The following LGALS3BP variants were observed in gnomAD, a reference collection of about 807,000 sequenced individuals.
LGALS3BP encodes the protein galectin-3-binding protein.
LGALS3BP carries 25 observed loss-of-function variants against 22.9 expected under a neutral mutation model. That is an observed-to-expected ratio of 1.09 (90% CI 0.80 to 1.53). The LOEUF (loss-of-function observed/expected upper bound fraction) is 1.53. Ranked by LOEUF, LGALS3BP falls within the 40% of genes most tolerant of loss-of-function variation. The pLI is 0.00. For missense variants in LGALS3BP, 718 were observed against 752.0 expected (o/e 0.95, Z 0.53); for synonymous variants, 335 against 331.1 (o/e 1.01, Z -0.13).
chr17:78,976,119 GCCC>G lies in LGALS3BP; in HGVS notation c.87_89del (p.Gly30del). The stretch of plus-strand genomic sequence containing the variant: ...TCTCCACGCGGCCCTGGTTGGTGGC[GCCC>G]CCATCGGCCAGCCGCATGTCACCAT... On this transcript the variant is annotated inframe_deletion, in exon 3 of 6. Coordinates refer to ENST00000262776, the MANE Select transcript of LGALS3BP (RefSeq NM_005567.4). This position sits in a 1 kb window ranked among gnomAD's most constrained non-coding sequence, Gnocchi z 4.6. The G allele has an allele frequency of 1.9e-6, 3 of 1,594,166 alleles. No homozygotes were observed. Among genetic ancestry groups the G allele is most frequent in the Non-Finnish European group, 2.6e-6 (3 of 1,171,254 alleles).
Position 78,977,230 on chromosome 17 carries a change from G to A in LGALS3BP, c.-23-16C>T. 6.2e-7 allele frequency: 1 copy of A among 1,606,280 alleles called. No homozygotes were observed. Among genetic ancestry groups the A allele is most frequent in the Non-Finnish European group, 8.5e-7 (1 of 1,177,008 alleles). Reference sequence around the variant, plus strand: ...TGCCCAGATCCTGCAGCAGACAGAAGCGGAGGGGTGAGGCACGGGAGCCAG... The same window carrying A: ...TGCCCAGATCCTGCAGCAGACAGAAACGGAGGGGTGAGGCACGGGAGCCAG... On this transcript the variant is annotated splice_polypyrimidine_tract_variant and intron_variant, in intron 1 of 5. Coordinates refer to ENST00000262776, the MANE Select transcript of LGALS3BP (RefSeq NM_005567.4).
Position 78,973,397 on chromosome 17 carries a change from G to A in LGALS3BP, c.377-175C>T. The stretch of plus-strand genomic sequence containing the variant: ...GAAGTGTCGGATTCCTGGACCCTGA[G>A]GCCCCGCCCCTTCCAGCCCTGGGGA... On this transcript the variant is annotated intron_variant, in intron 4 of 5. Coordinates refer to ENST00000262776, the MANE Select transcript of LGALS3BP (RefSeq NM_005567.4). This position sits in a 1 kb window ranked among gnomAD's most constrained non-coding sequence, Gnocchi z 5.8. The A allele has an allele frequency of 3.9e-6, 3 of 760,412 alleles. No homozygotes were observed. The highest frequency in any genetic ancestry group is 6.1e-6 in the Non-Finnish European group (3 of 491,898). 47.1% of individuals were successfully genotyped at this position (760,412 alleles called of 1,614,324 possible). A position where few individuals can be genotyped will look rare whatever the true frequency, so the allele number is the denominator to read the frequency against.
At chr17:78,979,337 A>G (rs2070745678) in intron 1 of LGALS3BP, 1 of 152,316 alleles carries the variant, frequency 6.6e-6, no homozygotes, top group African/African-American at 2.4e-5. Flanking sequence ...CCAACTGTAC[A>G]CAGAGGCCCT....
chr17:78,972,383 G>A lies in LGALS3BP; in HGVS notation c.951C>T (p.Ser317=), dbSNP rs541114993. The A allele has an allele frequency of 3.0e-5, 48 of 1,613,470 alleles. No individual in the cohort carries two copies. Among genetic ancestry groups the A allele is most frequent in the African/African-American group, 1.5e-4 (11 of 75,068 alleles). Residue 317 remains serine, a synonymous_variant, in exon 6 of 6, where the codon AGC becomes AGT. Coordinates refer to ENST00000262776, the MANE Select transcript of LGALS3BP (RefSeq NM_005567.4). This position sits in a 1 kb window ranked among gnomAD's most constrained non-coding sequence, Gnocchi z 5.1. ...CCACGGCCTTCAGTAGGGCCAGCTC[G>A]CTGGGCACCGCCAGGTCGCTCCTGG... The part of the protein sequence containing the change: ...LLPRSDLAVP[S]ELALLKAVDT...
At position 78,972,731 on chromosome 17, in the gene LGALS3BP, C is replaced by A. The variant is rs781745291; in HGVS notation, c.630-27G>T. On this transcript the variant is annotated intron_variant, in intron 5 of 5. Coordinates refer to ENST00000262776, the MANE Select transcript of LGALS3BP (RefSeq NM_005567.4). The surrounding 1 kb of genome is among the most constrained non-coding windows in gnomAD (Gnocchi z 5.1). Reference sequence around the variant, plus strand: ...TGGGGAGAAAGAAGGAGAGCAGATGCCGGCCCCACAGGACAGCAGGGGAGC... The same window carrying A: ...TGGGGAGAAAGAAGGAGAGCAGATGACGGCCCCACAGGACAGCAGGGGAGC... The A allele has an allele frequency of 3.3e-5, 50 of 1,514,038 alleles. No individual in the cohort carries two copies. The highest frequency in any genetic ancestry group is 4.3e-5 in the Non-Finnish European group (49 of 1,132,300). 93.8% of individuals were successfully genotyped at this position (1,514,038 alleles called of 1,614,324 possible).
intron 3 of LGALS3BP, 153 bp from the exon 4 acceptor site, chr17:78,974,972 G>C (rs2070707729): frequency 7.2e-6 from 7 of 976,426 alleles, no homozygotes; most frequent in Non-Finnish European, 1.0e-5. Context: ...TTCCAGCATG[G>C]GCTGGATTTG....
chr17:78,974,134 G>C (rs2070698696), intron 4 of LGALS3BP, among the ~76,000 whole-genome samples: 2 of 152,248 alleles, frequency 1.3e-5, no homozygotes, highest in African/African-American at 4.8e-5. Context: ...TCCTGGCAAA[G>C]GGCAGTGGGC....
rs1255343515 is a variant in LGALS3BP at position 78,973,111 on chromosome 17, C to G, written c.488G>C (p.Gly163Ala). 1 of 1,613,420 alleles carries G rather than the reference C, an allele frequency of 6.2e-7. No homozygotes were observed. The highest frequency in any genetic ancestry group is 1.7e-5 in the Admixed American group (1 of 59,988). The change falls in exon 5 of 6, where the codon GGC (glycine) becomes GCC (alanine). Residue 163 changes from glycine (G) to alanine (A), a missense_variant. By Grantham distance (60) the Gly-to-Ala change is moderately conservative. Coordinates refer to ENST00000262776, the MANE Select transcript of LGALS3BP (RefSeq NM_005567.4). The surrounding 1 kb of genome is among the most constrained non-coding windows in gnomAD (Gnocchi z 5.8). ...GCCACAGAAGCCCAGGGCGTCCTCG[C>G]CCTGCACATTCACGCTGATGGACAG... ...CDLSISVNVQ[G>A]EDALGFCGHT...
At position 78,977,529 on chromosome 17, in the gene LGALS3BP, A is replaced by G. The variant is rs992800209; in HGVS notation, c.-23-315T>C. 3 of 272,196 alleles carry G rather than the reference A, an allele frequency of 1.1e-5. No homozygotes were observed. In the Admixed American group the frequency reaches 1.5e-4, roughly 14 times the overall value. 16.9% of individuals were successfully genotyped at this position (272,196 alleles called of 1,614,324 possible). ...TAGAGGCAAGTGAGCTCATCTCAAA[A>G]AACCAGGCCCCGGGCAAGGCTGCCA... On this transcript the variant is annotated intron_variant, in intron 1 of 5. Coordinates refer to ENST00000262776, the MANE Select transcript of LGALS3BP (RefSeq NM_005567.4).
In LGALS3BP at chr17:78,972,479, C is replaced by T. The variant is rs1270738865; in HGVS notation, c.855G>A (p.Trp285Ter). 1.2e-6 allele frequency: 2 copies of T among 1,613,288 alleles called. No individual in the cohort carries two copies. The highest frequency in any genetic ancestry group is 1.7e-6 in the Non-Finnish European group (2 of 1,180,006). Residue 285 changes from tryptophan (W) to a stop codon, truncating the protein, a stop_gained, in exon 6 of 6, where the codon TGG (tryptophan) becomes TGA (stop). Coordinates refer to ENST00000262776, the MANE Select transcript of LGALS3BP (RefSeq NM_005567.4). LOFTEE classifies it low-confidence loss of function (END_TRUNC). This position sits in a 1 kb window ranked among gnomAD's most constrained non-coding sequence, Gnocchi z 5.1. ...CGGCCTGCGTCAAGGCCTCGAAGTT[C>T]CAGGCCAGGAACTGTAGGCAGAGCT... ...LEKLCLQFLAWNFEALTQAEA... is the reference protein window; with the variant it reads ...LEKLCLQFLA
rs182994096 is a variant in LGALS3BP, at chr17:78,972,307, C to T, written c.1027G>A (p.Val343Met). ...ATCATGGGGAAGCGGATCTTCTCCACCAAGCCCTCCACCTCCTCATGGGAG... is the reference window on the plus strand; with the variant it reads ...ATCATGGGGAAGCGGATCTTCTCCATCAAGCCCTCCACCTCCTCATGGGAG... ...RASHEEVEGLVEKIRFPMMLP... is the reference protein window; with the variant it reads ...RASHEEVEGLMEKIRFPMMLP... The change falls in exon 6 of 6, where the codon GTG becomes ATG. Residue 343 changes from valine (V) to methionine (M), a missense_variant. Coordinates refer to ENST00000262776, the MANE Select transcript of LGALS3BP (RefSeq NM_005567.4). The surrounding 1 kb of genome is among the most constrained non-coding windows in gnomAD (Gnocchi z 5.1). The T allele has an allele frequency of 2.5e-6, 4 of 1,613,346 alleles. No individual in the cohort carries two copies. Among genetic ancestry groups the T allele is most frequent in the Non-Finnish European group, 3.4e-6 (4 of 1,179,880 alleles).
rs1344378356 is a variant in LGALS3BP, at chr17:78,973,432, G to A, written c.377-210C>T. The A allele has an allele frequency of 3.3e-6, 2 of 601,358 alleles. No homozygotes were observed. Among genetic ancestry groups the A allele is most frequent in the African/African-American group, 3.7e-5 (2 of 54,168 alleles). 37.3% of individuals were successfully genotyped at this position (601,358 alleles called of 1,614,324 possible). A position where few individuals can be genotyped will look rare whatever the true frequency, so the allele number is the denominator to read the frequency against. On this transcript the variant is annotated intron_variant, in intron 4 of 5. Transcript: ENST00000262776. The surrounding 1 kb of genome is among the most constrained non-coding windows in gnomAD (Gnocchi z 5.8). ...CTTCCAGCCCTGGGGAACAAGAGCA[G>A]CTAGGACCTGGCCAAGCCTGTCCAG...
rs1443434793 is a variant in LGALS3BP at position 78,973,075 on chromosome 17, A to G, written c.524T>C (p.Ile175Thr). 1 of 1,613,754 alleles carries G rather than the reference A, an allele frequency of 6.2e-7. No individual in the cohort carries two copies. Among genetic ancestry groups the G allele is most frequent in the Admixed American group, 1.7e-5 (1 of 60,004 alleles). ...CTGGGCCTCCAGGTTGGCAGTCAGG[A>G]TGACCGTGTGGCCACAGAAGCCCAG... ...DALGFCGHTV[I>T]LTANLEAQAL... The change falls in exon 5 of 6, where the codon ATC becomes ACC. Residue 175 changes from isoleucine to threonine, a missense_variant. By Grantham distance (89) the Ile-to-Thr change is moderately conservative. Transcript: ENST00000262776. The surrounding 1 kb of genome is among the most constrained non-coding windows in gnomAD (Gnocchi z 5.8).
intron 4 of LGALS3BP, among the ~76,000 whole-genome samples, chr17:78,974,462 G>A (rs2070701367): frequency 6.6e-6 from 1 of 152,262 alleles, no homozygotes; most frequent in African/African-American, 2.4e-5. Context: ...AGACTTGGTG[G>A]TTCTGGGTGT....
chr17:78,978,220 G>A lies in LGALS3BP; in HGVS notation c.-23-1006C>T, dbSNP rs115048606. Reference sequence around the variant, plus strand: ...GGACGGCTGCAATGGCATCCCCAGAGCTTGTCGGAAATGCAGTCATGGCTG... The same window carrying A: ...GGACGGCTGCAATGGCATCCCCAGAACTTGTCGGAAATGCAGTCATGGCTG... On this transcript the variant is annotated intron_variant, in intron 1 of 5. Coordinates refer to ENST00000262776, the MANE Select transcript of LGALS3BP (RefSeq NM_005567.4). Among the ~76,000 whole-genome samples, 420 of 152,346 alleles carry A rather than the reference G, an allele frequency of 2.8e-3. 1 individual carries two copies. The highest frequency in any genetic ancestry group is 9.6e-3 in the African/African-American group (398 of 41,594).
intron 1 of LGALS3BP, among the ~76,000 whole-genome samples, chr17:78,979,166 C>T (rs1454395621): frequency 6.6e-6 from 1 of 152,186 alleles, no homozygotes; most frequent in Non-Finnish European, 1.5e-5. Context: ...CAGTTGAGAC[C>T]CGGCTGCCTG....
chr17:78,979,659 G>A (rs1019911693), intron 1 of LGALS3BP, 165 bp downstream of exon 1: 14 of 152,356 alleles, frequency 9.2e-5, no homozygotes, highest in Non-Finnish European at 5.9e-5. Context: ...GCCGAGGCAG[G>A]AGAATCGTTT....
intron 2 of LGALS3BP, 35 bp downstream of exon 2, chr17:78,977,105 T>C: frequency 6.2e-7 from 1 of 1,611,542 alleles, no homozygotes; most frequent in Non-Finnish European, 8.5e-7. Context: ...CCTTCCACAC[T>C]TCTGCTTTTG....
Position 78,972,500 on chromosome 17 carries a change from G to A in LGALS3BP, c.834C>T (p.Leu278=), listed in dbSNP as rs146294391. The change falls in exon 6 of 6, where the codon CTC becomes CTT. Residue 278 remains leucine, a synonymous_variant. Transcript: ENST00000262776. The surrounding 1 kb of genome is among the most constrained non-coding windows in gnomAD (Gnocchi z 5.1). ...VATGDALLEK[L]CLQFLAWNFE... ...AGTTCCAGGCCAGGAACTGTAGGCA[G>A]AGCTTCTCCAGCAGGGCGTCCCCTG... 23 of 1,613,138 alleles carry A rather than the reference G, an allele frequency of 1.4e-5. No individual in the cohort carries two copies. The African/African-American group carries it at 2.9e-4, about 21-fold the overall frequency.
Sources: allele counts gnomAD v4.1 joint callset (sites outside exome capture counted in the v4.1 genomes callset), GRCh38; gene constraint gnomAD v4.1.1; non-coding constraint Gnocchi (gnomAD v3.1); transcripts MANE v1.5; gene names NCBI Gene and HGNC (gene_info 2026-07-23, HGNC 2026-07-21).